GLI2: variants seen among roughly 807,000 people sequenced by gnomAD.
GLI2 encodes the protein transcription activator GLI2.
A neutral mutation model predicts 78.9 loss-of-function variants in GLI2; 22 were observed. The observed-to-expected ratio is 0.28, with a 90% CI of 0.20 to 0.40. GLI2 has a LOEUF of 0.40. Ranked by LOEUF, GLI2 falls within the 10% of genes least tolerant of loss-of-function variation. The pLI is 1.00. For synonymous variants in GLI2, 974 were observed against 963.7 expected (o/e 1.01, Z -0.20); for missense variants, 2,097 against 2,213.2 (o/e 0.95, Z 1.05).
intron 2 of GLI2, among the ~76,000 whole-genome samples, chr2:120,892,534 G>C (rs901620446): frequency 6.6e-6 from 1 of 152,204 alleles, no homozygotes; most frequent in Non-Finnish European, 1.5e-5. Context: ...GAGCCATCAT[G>C]CTCTGCCTCT....
intron 12 of GLI2, 26 bp from the exon 13 acceptor site, chr2:120,986,252 G>A (rs766944170): frequency 2.5e-6 from 4 of 1,603,968 alleles, no homozygotes; most frequent in East Asian, 2.2e-5. Context: ...CTCTGAGTCT[G>A]AGCCTTCTTG....
At chr2:120,914,477 C>A (rs60609056) in intron 2 of GLI2, among the ~76,000 whole-genome samples, 13,404 of 152,284 alleles carry the variant, frequency 0.088, 850 homozygotes, top group African/African-American at 0.18. Flanking sequence ...TTTTAGAAAC[C>A]TTCTGTGACC....
In GLI2 at chr2:120,986,577, C is replaced by A. The variant is rs767609239; in HGVS notation, c.2205C>A (p.His735Gln). ...DSCSWAGPTPHTRNTKLPPLP... is the reference protein window; with the variant it reads ...DSCSWAGPTPQTRNTKLPPLP... The stretch of plus-strand genomic sequence containing the variant: ...GCTCATGGGCCGGGCCGACTCCACA[C>A]ACGCGGAACACCAAGCTGCCTCCCC... The change falls in exon 13 of 14, where the codon CAC becomes CAA. Residue 735 changes from histidine to glutamine, a missense_variant. His to Gln is a conservative substitution (Grantham distance 24, BLOSUM62 0). This residue lies in a region of GLI2 where 1,290 missense variants were observed against 1,261.7 expected (regional missense o/e 1.02). Coordinates refer to ENST00000361492, the MANE Select transcript of GLI2 (RefSeq NM_001374353.1). 1.2e-6 allele frequency: 2 copies of A among 1,614,132 alleles called. No individual in the cohort carries two copies. Among genetic ancestry groups the A allele is most frequent in the South Asian group, 2.2e-5 (2 of 91,082 alleles).
chr2:120,903,045 A>G (rs760919603), intron 2 of GLI2, among the ~76,000 whole-genome samples: 9 of 152,254 alleles, frequency 5.9e-5, no homozygotes, highest in Non-Finnish European at 8.8e-5. Context: ...CCAGTTCTCC[A>G]TGGCAGGATT....
At position 120,988,499 on chromosome 2, in the gene GLI2, C is replaced by T. The variant is rs1444777353; in HGVS notation, c.2534C>T (p.Ala845Val). Residue 845 changes from alanine (A) to valine (V), a missense_variant, in exon 14 of 14, where the codon GCG becomes GTG. Physicochemically the swap from Ala to Val is moderately conservative, Grantham distance 64 (BLOSUM62 0). Coordinates refer to ENST00000361492, the MANE Select transcript of GLI2 (RefSeq NM_001374353.1). ...TCCTACGACCCCATCTCCACGGACG[C>T]GTCGCGGCGCTCGAGCGAGGCCAGC... The part of the protein sequence containing the change: ...ADSYDPISTD[A>V]SRRSSEASQC... The T allele has an allele frequency of 2.0e-6, 3 of 1,534,960 alleles. No individual in the cohort carries two copies. The highest frequency in any genetic ancestry group is 3.8e-5 in the Admixed American group (2 of 52,282).
chr2:120,958,317 A>C (rs1681376033), intron 5 of GLI2, among the ~76,000 whole-genome samples: 1 of 152,156 alleles, frequency 6.6e-6, no homozygotes, highest in Non-Finnish European at 1.5e-5. Context: ...TTCCCTCTTT[A>C]AATCCACTCA....
At position 120,988,229 on chromosome 2, in the gene GLI2, G is replaced by A; in HGVS notation, c.2264G>A (p.Ser755Asn). The stretch of plus-strand genomic sequence containing the variant: ...GCAGGCTCCATCCTGGAAAACTTCA[G>A]TGGCAGTGGGGGCGGCGGGCCCGCG... ...PGSGSILENF[S>N]GSGGGGPAGL... Residue 755 changes from serine (S) to asparagine (N), a missense_variant, in exon 14 of 14, where the codon AGT (serine) becomes AAT (asparagine). Physicochemically the swap from Ser to Asn is conservative, Grantham distance 46. Coordinates refer to ENST00000361492, the MANE Select transcript of GLI2 (RefSeq NM_001374353.1). The A allele has an allele frequency of 6.3e-7, 1 of 1,590,930 alleles. No individual in the cohort carries two copies. Among genetic ancestry groups the A allele is most frequent in the Non-Finnish European group, 8.5e-7 (1 of 1,171,576 alleles).
At position 120,989,860 on chromosome 2, in the gene GLI2, C is replaced by T; in HGVS notation, c.3895C>T (p.His1299Tyr). 1 of 1,612,988 alleles carries T rather than the reference C, an allele frequency of 6.2e-7. No homozygotes were observed. The highest frequency in any genetic ancestry group is 8.5e-7 in the Non-Finnish European group (1 of 1,179,870). ...DSALAGVPPP[H>Y]PVQSYPQQSH... ...AGCCCTGGCTGGAGTGCCACCACCT[C>T]ACCCAGTCCAGAGCTACCCACAGCA... is the stretch of plus-strand genomic sequence containing the variant. Residue 1299 changes from histidine to tyrosine, a missense_variant, in exon 14 of 14, where the codon CAC becomes TAC. By Grantham distance (83) the His-to-Tyr change is moderately conservative. Around this residue, in one of 5 missense-constraint regions of GLI2, gnomAD observed 1,290 missense variants for 1,261.7 expected, o/e 1.02. Coordinates refer to ENST00000361492, the MANE Select transcript of GLI2 (RefSeq NM_001374353.1).
At chr2:120,813,555 C>T (rs989946018) in intron 2 of GLI2, among the ~76,000 whole-genome samples, 2 of 152,354 alleles carry the variant, frequency 1.3e-5, no homozygotes, top group African/African-American at 4.8e-5. Flanking sequence ...AGCTGCGTGA[C>T]TGCCCGGGGC....
At chr2:120,811,803 G>A (rs1193999591) in intron 2 of GLI2, among the ~76,000 whole-genome samples, 1 of 152,042 alleles carries the variant, frequency 6.6e-6, no homozygotes, top group African/African-American at 2.4e-5. Flanking sequence ...AATCCTGCTG[G>A]ACAGCTCTGC....
rs940790980 is a variant in GLI2, at chr2:120,735,911, C to G, written c.-405C>G. Among the ~76,000 whole-genome samples the G allele has an allele frequency of 1.3e-5, 2 of 151,952 alleles. No homozygotes were observed. The highest frequency in any genetic ancestry group is 2.4e-5 in the African/African-American group (1 of 41,380). On this transcript the variant is annotated 5_prime_UTR_variant, in exon 1 of 14. Coordinates refer to ENST00000361492, the MANE Select transcript of GLI2 (RefSeq NM_001374353.1). ...TGCCGGCGCTTGCCAGCCGAGGCAG[C>G]ACGGCTCCGCGGACTTTTTTTCAAA...
At chr2:120,888,725 G>A (rs996655303) in intron 2 of GLI2, among the ~76,000 whole-genome samples, 7 of 152,280 alleles carry the variant, frequency 4.6e-5, no homozygotes, top group East Asian at 3.9e-4. Context: ...GACTAGCATC[G>A]ACAATGCCAG....
At position 120,951,339 on chromosome 2, in the gene GLI2, C is replaced by G. The variant is rs1558908673; in HGVS notation, c.351C>G (p.Ala117=). Residue 117 remains alanine (A), a synonymous_variant, in exon 4 of 14, where the codon GCC becomes GCG. Coordinates refer to ENST00000361492, the MANE Select transcript of GLI2 (RefSeq NM_001374353.1). The part of the protein sequence containing the change: ...PAGPGESPFN[A]PHPYVNPHME... ...GCCCTGGGGAGTCCCCCTTCAACGCCCCCCACCCGTACGTGAACCCCCACA... is the reference window on the plus strand; with the variant it reads ...GCCCTGGGGAGTCCCCCTTCAACGCGCCCCACCCGTACGTGAACCCCCACA... 3 of 1,581,062 alleles carry G rather than the reference C, an allele frequency of 1.9e-6. No individual in the cohort carries two copies. Among genetic ancestry groups the G allele is most frequent in the Non-Finnish European group, 2.6e-6 (3 of 1,149,996 alleles).
Position 120,977,574 on chromosome 2 carries a change from C to T in GLI2, c.1318-860C>T, listed in dbSNP as rs1020261817. Among the ~76,000 whole-genome samples, 4 of 151,786 alleles carry T rather than the reference C, an allele frequency of 2.6e-5. 1 individual carries two copies. The highest frequency in any genetic ancestry group is 2.6e-4 in the Admixed American group (4 of 15,228). On this transcript the variant is annotated intron_variant, in intron 9 of 13. Coordinates refer to ENST00000361492, the MANE Select transcript of GLI2 (RefSeq NM_001374353.1). ...GAGGGGGGCTGGGAGGAAGTGAAGACGGGGGAGGAAACTGAGAACAGAGGA... is the reference window on the plus strand; with the variant it reads ...GAGGGGGGCTGGGAGGAAGTGAAGATGGGGGAGGAAACTGAGAACAGAGGA...
Position 120,916,969 on chromosome 2 carries a change from T to C in GLI2, c.149-10392T>C, listed in dbSNP as rs141668352. Among the ~76,000 whole-genome samples the C allele has an allele frequency of 4.6e-5, 7 of 152,264 alleles. No homozygotes were observed. The East Asian group carries it at 1.2e-3, about 25-fold the overall frequency. ...TGGTATCTTCTGGGAAGCCTTTAGG[T>C]ACAACTTCCCTGGGGATTGGGCCTG... On this transcript the variant is annotated intron_variant, in intron 2 of 13. Coordinates refer to ENST00000361492, the MANE Select transcript of GLI2 (RefSeq NM_001374353.1).
At chr2:120,739,845 T>C (rs1019252028) in intron 1 of GLI2, among the ~76,000 whole-genome samples, 6 of 152,352 alleles carry the variant, frequency 3.9e-5, no homozygotes, top group South Asian at 2.1e-4. Context: ...AACCAGAATG[T>C]ACAGTGATTT....
At chr2:120,958,242 C>T (rs1480384686) in intron 5 of GLI2, among the ~76,000 whole-genome samples, 3 of 152,206 alleles carry the variant, frequency 2.0e-5, no homozygotes, top group Admixed American at 2.0e-4. Context: ...GAGCCTGGCC[C>T]AGTGCCTGGC....
At chr2:120,743,258 G>C (rs1292971445) in intron 1 of GLI2, among the ~76,000 whole-genome samples, 1 of 152,140 alleles carries the variant, frequency 6.6e-6, no homozygotes, top group Non-Finnish European at 1.5e-5. Flanking sequence ...AGGTAGAGAA[G>C]GGTAAAGGGC....
In GLI2 at chr2:120,941,470, C is replaced by T. The variant is rs193138786; in HGVS notation, c.255-9773C>T. 3.3e-5 allele frequency among the ~76,000 whole-genome samples: 5 copies of T among 152,270 alleles called. No homozygotes were observed. The East Asian group carries it at 5.8e-4, about 18-fold the overall frequency. On this transcript the variant is annotated intron_variant, in intron 3 of 13. Transcript: ENST00000361492. ...GTTCTGGAGCTCTGTTTCTATTTGTCGGTAGAGCCGAGGGTGGCAGGAGCT... is the reference window on the plus strand; with the variant it reads ...GTTCTGGAGCTCTGTTTCTATTTGTTGGTAGAGCCGAGGGTGGCAGGAGCT...
Sources: allele counts gnomAD v4.1 joint callset (sites outside exome capture counted in the v4.1 genomes callset), GRCh38; gene constraint gnomAD v4.1.1; regional missense constraint gnomAD v4.1.1; transcripts MANE v1.5; gene names NCBI Gene and HGNC (gene_info 2026-07-23, HGNC 2026-07-21).